Variants in TMEM131 observed in about 807,000 individuals in gnomAD.
The protein encoded by TMEM131 is transmembrane protein 131.
In TMEM131, 66 loss-of-function variants were observed where a neutral mutation model predicts 211.6. The observed-to-expected ratio is 0.31, with a 90% CI of 0.26 to 0.38. The LOEUF (loss-of-function observed/expected upper bound fraction) is 0.38. Ranked by LOEUF, TMEM131 falls within the 10% of genes least tolerant of loss-of-function variation. The pLI, the probability that TMEM131 is intolerant of heterozygous loss-of-function variation, is 1.00. For missense variants in TMEM131, 2,036 were observed against 2,299.3 expected (o/e 0.89, Z 2.34); for synonymous variants, 844 against 841.3 (o/e 1.00, Z -0.06).
At chr2:97,958,183 G>A (rs912100375) in intron 1 of TMEM131, among the ~76,000 whole-genome samples, 1 of 152,174 alleles carries the variant, frequency 6.6e-6, no homozygotes, top group African/African-American at 2.4e-5. Flanking sequence ...TTAAGAAGAG[G>A]CTGGAGAGGG....
intron 22 of TMEM131, 67 bp from the exon 23 acceptor site, chr2:97,802,857 TCAATTAGG>T: frequency 7.4e-7 from 1 of 1,351,306 alleles, no homozygotes; most frequent in South Asian, 1.5e-5. Context: ...CATAAGAAAT[TCAATTAGG>T]CTTATGTACT....
intron 1 of TMEM131, among the ~76,000 whole-genome samples, chr2:97,970,595 C>T (rs1249607000): frequency 6.6e-6 from 1 of 152,140 alleles, no homozygotes; most frequent in African/African-American, 2.4e-5. Flanking sequence ...ATTTGCAAAG[C>T]CTTGACCTCA....
intron 2 of TMEM131, among the ~76,000 whole-genome samples, chr2:97,922,150 G>A (rs182143986): frequency 6.6e-6 from 1 of 152,244 alleles, no homozygotes; most frequent in African/African-American, 2.4e-5. Flanking sequence ...ATTCTCCTAA[G>A]GCACGCGCAC....
intron 39 of TMEM131, 139 bp from the exon 40 acceptor site, chr2:97,759,192 C>G: frequency 9.4e-7 from 1 of 1,064,284 alleles, no homozygotes. Context: ...CACCACAGCC[C>G]AGAGGAAGTA....
intron 1 of TMEM131, among the ~76,000 whole-genome samples, chr2:97,981,807 T>C (rs372471058): frequency 1.1e-3 from 162 of 152,344 alleles, no homozygotes; most frequent in African/African-American, 3.6e-3. Flanking sequence ...TATGGTCTTA[T>C]ATGGTCTTTT....
chr2:97,787,561 T>C (rs1052702564), intron 31 of TMEM131, among the ~76,000 whole-genome samples: 5 of 152,210 alleles, frequency 3.3e-5, no homozygotes, highest in Non-Finnish European at 7.3e-5. Context: ...GCCCCAGGCC[T>C]TATACAGGTG....
At chr2:97,771,666 G>A (rs1679471236) in intron 33 of TMEM131, among the ~76,000 whole-genome samples, 1 of 152,186 alleles carries the variant, frequency 6.6e-6, no homozygotes, top group African/African-American at 2.4e-5. Flanking sequence ...GCTGAGCCAA[G>A]GTTTAATGAA....
chr2:97,992,178 T>C (rs1235070600), intron 1 of TMEM131, among the ~76,000 whole-genome samples: 1 of 152,214 alleles, frequency 6.6e-6, no homozygotes, highest in Non-Finnish European at 1.5e-5. Flanking sequence ...ATTTTAACAT[T>C]ATCGAGTAAT....
At chr2:97,775,109 A>C (rs142316557) in intron 32 of TMEM131, among the ~76,000 whole-genome samples, 240 of 152,320 alleles carry the variant, frequency 1.6e-3, no homozygotes, top group African/African-American at 5.6e-3. Context: ...ATTTATCTAA[A>C]AATAAAAGCG....
chr2:97,765,681 A>C, intron 35 of TMEM131, among the ~76,000 whole-genome samples: 1 of 152,236 alleles, frequency 6.6e-6, no homozygotes, highest in East Asian at 1.9e-4. Context: ...CTCATGTAAA[A>C]AGATGTGGGT....
At chr2:97,918,404 T>C (rs2104408483) in intron 2 of TMEM131, among the ~76,000 whole-genome samples, 1 of 152,278 alleles carries the variant, frequency 6.6e-6, no homozygotes, top group African/African-American at 2.4e-5. Context: ...AAAGACCAGA[T>C]TACTGCACAA....
At chr2:97,841,580 G>T (rs115731841) in intron 7 of TMEM131, among the ~76,000 whole-genome samples, 4,224 of 152,160 alleles carry the variant, frequency 0.028, 65 homozygotes, top group Middle Eastern at 0.065. Context: ...AGACACAGTC[G>T]TTTTAAAAAT....
intron 4 of TMEM131, among the ~76,000 whole-genome samples, chr2:97,885,025 T>G (rs188356200): frequency 5.9e-5 from 9 of 152,384 alleles, no homozygotes; most frequent in Non-Finnish European, 1.2e-4. Context: ...TCCACATTGA[T>G]ACGGTTTGAT....
At chr2:97,866,907 G>T (rs543738035) in intron 4 of TMEM131, among the ~76,000 whole-genome samples, 1 of 152,234 alleles carries the variant, frequency 6.6e-6, no homozygotes, top group Non-Finnish European at 1.5e-5. Flanking sequence ...TTCAGATTTT[G>T]AAATATCTGC....
chr2:97,825,662 T>C (rs1682346500), intron 11 of TMEM131, among the ~76,000 whole-genome samples: 1 of 152,148 alleles, frequency 6.6e-6, no homozygotes, highest in African/African-American at 2.4e-5. Flanking sequence ...ACAACACTTC[T>C]CTTTATACGT....
At chr2:97,823,944 T>C (rs1682247035) in intron 11 of TMEM131, among the ~76,000 whole-genome samples, 1 of 152,100 alleles carries the variant, frequency 6.6e-6, no homozygotes, top group Non-Finnish European at 1.5e-5. Flanking sequence ...TTATTAATCC[T>C]GGCAACCTCG....
Position 97,812,402 on chromosome 2 carries a change from C to CA in TMEM131, c.1863+18dup, listed in dbSNP as rs1179165191. 6.3e-7 allele frequency: 1 copy of CA among 1,592,780 alleles called. No individual in the cohort carries two copies. On this transcript the variant is annotated intron_variant, in intron 17 of 40. Transcript: ENST00000186436. ...AGACATCCATCTTACTTTAAGGAGACAATAGAAAGTTTACTTACCGATGAT... is the reference window on the plus strand; with the variant it reads ...AGACATCCATCTTACTTTAAGGAGACAAATAGAAAGTTTACTTACCGATGAT...
chr2:97,911,480 A>T, intron 2 of TMEM131: 1 of 186,918 alleles, frequency 5.3e-6, no homozygotes, highest in Non-Finnish European at 1.0e-5. Flanking sequence ...AGAATTCTAG[A>T]GCATGAGAAG....
intron 22 of TMEM131, 105 bp from the exon 23 acceptor site, chr2:97,802,895 C>T: frequency 1.1e-6 from 1 of 872,252 alleles, no homozygotes. Flanking sequence ...TTTTGCTGGC[C>T]CTGAAAAAAC....
Sources: gnomAD v4.1 joint callset for allele counts (sites outside exome capture counted in the v4.1 genomes callset) on GRCh38, gnomAD v4.1.1 for gene constraint, MANE v1.5 for transcripts, NCBI Gene and HGNC (gene_info 2026-07-23, HGNC 2026-07-21) for gene names.